The following ATP1B3 variants were observed in gnomAD, a reference collection of about 807,000 sequenced individuals.
ATP1B3 encodes the protein ATPase Na+/K+ transporting subunit beta 3, also known as sodium/potassium-transporting ATPase subunit beta-3.
ATP1B3 carries 10 observed loss-of-function variants against 30.2 expected under a neutral mutation model. The observed-to-expected ratio is 0.33, with a 90% CI of 0.20 to 0.56. The LOEUF is 0.56. Ranked by LOEUF, ATP1B3 falls within the 20% of genes least tolerant of loss-of-function variation. ATP1B3 has a pLI of 0.90. For missense variants in ATP1B3, 238 were observed against 336.7 expected (o/e 0.71, Z 2.29); for synonymous variants, 113 against 117.0 (o/e 0.97, Z 0.22).
rs1251965777 is a variant in ATP1B3 at position 141,913,816 on chromosome 3, A to T, written c.511A>T (p.Ile171Phe). Reference sequence around the variant, plus strand: ...TGGCTATTCTCAAGGAAACCCTTGTATTCTTGTGAAAATGAACAGAGTACG... The same window carrying T: ...TGGCTATTCTCAAGGAAACCCTTGTTTTCTTGTGAAAATGAACAGAGTACG... The part of the protein sequence containing the change: ...DFGYSQGNPC[I>F]LVKMNRIIGL... The change falls in exon 4 of 7, where the codon ATT becomes TTT. Residue 171 changes from isoleucine (I) to phenylalanine (F), a missense_variant. Physicochemically the swap from Ile to Phe is conservative, Grantham distance 21 (BLOSUM62 0). Coordinates refer to ENST00000286371, the MANE Select transcript of ATP1B3 (RefSeq NM_001679.4). 1 of 1,612,830 alleles carries T rather than the reference A, an allele frequency of 6.2e-7. No homozygotes were observed. Among genetic ancestry groups the T allele is most frequent in the Non-Finnish European group, 8.5e-7 (1 of 1,179,600 alleles).
Position 141,876,776 on chromosome 3 carries a change from C to G in ATP1B3, c.-26C>G, listed in dbSNP as rs368376011. Reference sequence around the variant, plus strand: ...GCCGCCTCCATCCCCGCGGCCGCAGCTCCTCTCGCCGTCCGCGCGCACACC... The same window carrying G: ...GCCGCCTCCATCCCCGCGGCCGCAGGTCCTCTCGCCGTCCGCGCGCACACC... On this transcript the variant is annotated 5_prime_UTR_variant, in exon 1 of 7. Transcript: ENST00000286371. 1 of 1,575,012 alleles carries G rather than the reference C, an allele frequency of 6.3e-7. No homozygotes were observed. The highest frequency in any genetic ancestry group is 8.7e-7 in the Non-Finnish European group (1 of 1,155,562).
chr3:141,925,176 T>A (rs191392473), intron 6 of ATP1B3, among the ~76,000 whole-genome samples: 5 of 152,012 alleles, frequency 3.3e-5, no homozygotes, highest in Admixed American at 2.6e-4. Context: ...ATTTTTTTTT[T>A]AATTTACAAG....
chr3:141,907,098 T>C, intron 2 of ATP1B3, 69 bp from the exon 3 acceptor site: 1 of 1,237,468 alleles, frequency 8.1e-7, no homozygotes, highest in Non-Finnish European at 1.1e-6. Context: ...GAGATCTGCT[T>C]TTTAGAGATA....
rs1348348949 is a variant in ATP1B3 at position 141,890,427 on chromosome 3, C to A, written c.110-13193C>A. Among the ~76,000 whole-genome samples the A allele has an allele frequency of 2.7e-5, 4 of 149,778 alleles. No individual in the cohort carries two copies. The East Asian group carries it at 7.9e-4, about 30-fold the overall frequency. On this transcript the variant is annotated intron_variant, in intron 1 of 6. Transcript: ENST00000286371. ...AGGTGATTCTCCTGCCTCAGCCTCC[C>A]AAGTAGCTGGGATTACAGGTGCCCG...
At chr3:141,917,279 G>C (rs1181118460) in intron 5 of ATP1B3, among the ~76,000 whole-genome samples, 1 of 152,070 alleles carries the variant, frequency 6.6e-6, no homozygotes, top group Admixed American at 6.5e-5. Context: ...TCACTATTTA[G>C]AGTAGCATAA....
chr3:141,886,362 T>C (rs1281795975), intron 1 of ATP1B3, among the ~76,000 whole-genome samples: 1 of 152,236 alleles, frequency 6.6e-6, no homozygotes, highest in Non-Finnish European at 1.5e-5. Context: ...GCTTCAGTGC[T>C]GGCTCTGCCA....
At chr3:141,916,531 C>A (rs1934467218) in intron 5 of ATP1B3, 1 of 1,286,388 alleles carries the variant, frequency 7.8e-7, no homozygotes, top group Non-Finnish European at 1.0e-6. Context: ...TTTGTTTTCT[C>A]TCCATGCTGC....
chr3:141,885,924 C>T (rs954612120), intron 1 of ATP1B3, among the ~76,000 whole-genome samples: 1 of 149,116 alleles, frequency 6.7e-6, no homozygotes, highest in African/African-American at 2.5e-5. Flanking sequence ...CACACACACA[C>T]CCCTGTAGTG....
intron 1 of ATP1B3, among the ~76,000 whole-genome samples, chr3:141,886,835 AAAAAATAATTTT>A (rs1933843563): frequency 6.6e-6 from 1 of 152,126 alleles, no homozygotes; most frequent in African/African-American, 2.4e-5. Flanking sequence ...CCATCTCTAC[AAAAAATAATTTT>A]AAAAAATTAG....
chr3:141,904,580 T>G (rs1361608505), intron 2 of ATP1B3, among the ~76,000 whole-genome samples: 1 of 152,104 alleles, frequency 6.6e-6, no homozygotes, highest in East Asian at 1.9e-4. Flanking sequence ...ACTCTTCATA[T>G]GTTTAATTCT....
rs1304617597 is a variant in ATP1B3, at chr3:141,907,236, A to G, written c.308A>G (p.Tyr103Cys). Residue 103 changes from tyrosine to cysteine, a missense_variant, in exon 3 of 7, where the codon TAT (tyrosine) becomes TGT (cysteine). Around this residue, in one of 3 missense-constraint regions of ATP1B3, gnomAD observed 130 missense variants for 148.8 expected, o/e 0.87. Transcript: ENST00000286371. ...TTCAGTAGGTCTGATCCAACTTCGT[A>G]TGCAGGGTACATTGAAGACCTTAAG... ...YTFSRSDPTSYAGYIEDLKKF... is the reference protein window; with the variant it reads ...YTFSRSDPTSCAGYIEDLKKF... The G allele has an allele frequency of 6.2e-7, 1 of 1,612,710 alleles. No homozygotes were observed.
At chr3:141,915,533 C>G (rs996935864) in intron 4 of ATP1B3, among the ~76,000 whole-genome samples, 4 of 152,140 alleles carry the variant, frequency 2.6e-5, no homozygotes, top group African/African-American at 7.2e-5. Context: ...TACAGTGAGG[C>G]TCAGTGGGGC....
At chr3:141,904,266 T>G (rs768029455) in intron 2 of ATP1B3, among the ~76,000 whole-genome samples, 22 of 151,984 alleles carry the variant, frequency 1.4e-4, no homozygotes, top group Admixed American at 1.3e-4. Context: ...CTGATAAATC[T>G]TGAGAGTTTG....
chr3:141,884,372 ATACTCC>A (rs1379779033), intron 1 of ATP1B3, among the ~76,000 whole-genome samples: 7 of 152,158 alleles, frequency 4.6e-5, no homozygotes, highest in African/African-American at 1.7e-4. Context: ...TTACATACTC[ATACTCC>A]TGCTCCCACT....
At chr3:141,907,417 A>G (rs888326952) in intron 3 of ATP1B3, 143 bp downstream of exon 3, 1 of 538,748 alleles carries the variant, frequency 1.9e-6, no homozygotes, top group Non-Finnish European at 3.1e-6. Context: ...GTTAGGAGCC[A>G]GGTCTTGGAC....
intron 2 of ATP1B3, among the ~76,000 whole-genome samples, chr3:141,904,274 T>G (rs1270049425): frequency 6.6e-6 from 1 of 151,786 alleles, no homozygotes; most frequent in Non-Finnish European, 1.5e-5. Context: ...TCTTGAGAGT[T>G]TGAGTGGGTT....
At position 141,876,745 on chromosome 3, in the gene ATP1B3, G is replaced by C; in HGVS notation, c.-57G>C. On this transcript the variant is annotated 5_prime_UTR_variant, in exon 1 of 7. Transcript: ENST00000286371. ...GCCGGAGCCGGGACGCGCCTCCGCA[G>C]CCCTCGCCGCCTCCATCCCCGCGGC... is the stretch of plus-strand genomic sequence containing the variant. 1.4e-6 allele frequency: 2 copies of C among 1,408,448 alleles called. No homozygotes were observed. The highest frequency in any genetic ancestry group is 2.0e-6 in the Non-Finnish European group (2 of 1,016,784). The allele number at this position is 1,408,448 out of a possible 1,614,324, so 87.2% of individuals were successfully genotyped here.
chr3:141,923,186 G>A (rs946151073), intron 6 of ATP1B3, among the ~76,000 whole-genome samples: 1 of 151,696 alleles, frequency 6.6e-6, no homozygotes, highest in Non-Finnish European at 1.5e-5. Context: ...ACTGAGGCAG[G>A]AGAATCGCTT....
At chr3:141,908,111 T>A (rs953224786) in intron 3 of ATP1B3, among the ~76,000 whole-genome samples, 2 of 144,106 alleles carry the variant, frequency 1.4e-5, no homozygotes, top group Admixed American at 1.4e-4. Flanking sequence ...AGTTCTAGGG[T>A]ACGTGTGCAC....
Sources: allele counts gnomAD v4.1 joint callset (sites outside exome capture counted in the v4.1 genomes callset), GRCh38; gene constraint gnomAD v4.1.1; regional missense constraint gnomAD v4.1.1; transcripts MANE v1.5; gene names NCBI Gene and HGNC (gene_info 2026-07-23, HGNC 2026-07-21).